The following LCA5L variants were observed in gnomAD, a reference collection of about 807,000 sequenced individuals.
The protein encoded by LCA5L is lebercilin LCA5 like, also known as lebercilin-like protein.
LCA5L carries 35 observed loss-of-function variants against 45.4 expected under a neutral mutation model. That is an observed-to-expected ratio of 0.77 (90% CI 0.59 to 1.02). The LOEUF (loss-of-function observed/expected upper bound fraction) is 1.02. Among genes scored for constraint, LCA5L ranks in the 50% least tolerant of loss-of-function variants. The pLI is 0.00. For synonymous variants in LCA5L, 233 were observed against 264.7 expected, an observed-to-expected ratio of 0.88 and a Z score of 1.16; for missense variants, 668 against 761.6, an observed-to-expected ratio of 0.88 and a Z score of 1.45.
chr21:39,432,493 A>G (rs2075837416), intron 3 of LCA5L, among the ~76,000 whole-genome samples: 2 of 152,170 alleles, frequency 1.3e-5, no homozygotes, highest in Admixed American at 1.3e-4. Context: ...TTTGGGATAC[A>G]ATTCTTTATT....
At chr21:39,436,050 C>G (rs967813063) in intron 2 of LCA5L, 1 of 152,220 alleles carries the variant, frequency 6.6e-6, no homozygotes, top group African/African-American at 2.4e-5. Flanking sequence ...GAGCCATACA[C>G]AGCAGTGCCT....
intron 7 of LCA5L, among the ~76,000 whole-genome samples, chr21:39,412,114 G>A (rs1272596487): frequency 6.6e-6 from 1 of 152,162 alleles, no homozygotes. Flanking sequence ...GTGCATTACA[G>A]TAGCCACTAA....
chr21:39,428,598 A>ATATATATATATATATATATATATTT (rs1242243392), intron 4 of LCA5L, 95 bp from the exon 5 acceptor site: 3 of 32,034 alleles, frequency 9.4e-5, no homozygotes, highest in African/African-American at 1.0e-4. Context: ...ATATATATAT[A>ATATATATATATATATATATATATTT]TTTTTTTTTT....
At chr21:39,416,323 C>A (rs2041146059) in intron 7 of LCA5L, among the ~76,000 whole-genome samples, 1 of 152,140 alleles carries the variant, frequency 6.6e-6, no homozygotes, top group African/African-American at 2.4e-5. Context: ...TTAACCTGGG[C>A]AGTTATCTTT....
intron 3 of LCA5L, among the ~76,000 whole-genome samples, chr21:39,430,030 A>G (rs1339272606): frequency 6.6e-6 from 1 of 152,048 alleles, no homozygotes; most frequent in Non-Finnish European, 1.5e-5. Flanking sequence ...AAACAAACAA[A>G]CAAACAAACA....
chr21:39,440,029 A>T (rs1302560299), intron 2 of LCA5L, among the ~76,000 whole-genome samples: 1 of 152,232 alleles, frequency 6.6e-6, no homozygotes, highest in Admixed American at 6.5e-5. Flanking sequence ...ATACAGTTAC[A>T]GATCTATGTG....
intron 7 of LCA5L, among the ~76,000 whole-genome samples, 184 bp downstream of exon 7, chr21:39,420,522 C>CAAAAAAAAAAA (rs397972848): frequency 4.6e-5 from 4 of 87,146 alleles, no homozygotes; most frequent in Admixed American, 1.5e-4. Context: ...GATTCTATCT[C>CAAAAAAAAAAA]AAAAAAAAAA....
chr21:39,444,530 T>C (rs758486532), intron 1 of LCA5L: 14 of 152,172 alleles, frequency 9.2e-5, no homozygotes, highest in Non-Finnish European at 1.6e-4. Context: ...TTAAAAAACT[T>C]ACTCATACGA....
At chr21:39,443,810 G>C (rs995782808) in intron 2 of LCA5L, 1 of 152,462 alleles carries the variant, frequency 6.6e-6, no homozygotes, top group Non-Finnish European at 1.5e-5. Flanking sequence ...GAGGCAGGCA[G>C]ATTACCTGAG....
In LCA5L at chr21:39,442,952, T is replaced by C. The variant is rs560625661; in HGVS notation, c.-246+1183A>G. Among the ~76,000 whole-genome samples, 8 of 152,082 alleles carry C rather than the reference T, an allele frequency of 5.3e-5. No homozygotes were observed. In the East Asian group the frequency reaches 1.5e-3, roughly 29 times the overall value. On this transcript the variant is annotated intron_variant, in intron 2 of 10. Coordinates refer to ENST00000288350, the MANE Select transcript of LCA5L (RefSeq NM_152505.4). Reference sequence around the variant, plus strand: ...TGCCGAGCTTTGAGAATCTCCAATATTAAGGAGCCTGGGAGAGGAGGGTGA... The same window carrying C: ...TGCCGAGCTTTGAGAATCTCCAATACTAAGGAGCCTGGGAGAGGAGGGTGA...
intron 2 of LCA5L, chr21:39,443,398 C>G (rs560686742): frequency 6.6e-6 from 1 of 152,384 alleles, no homozygotes; most frequent in African/African-American, 2.4e-5. Flanking sequence ...GTATACCTGA[C>G]AGGGTAGAGT....
At chr21:39,418,746 C>T (rs959981141) in intron 7 of LCA5L, among the ~76,000 whole-genome samples, 4 of 152,198 alleles carry the variant, frequency 2.6e-5, no homozygotes, top group Middle Eastern at 3.4e-3. Flanking sequence ...GTGATCTGCC[C>T]GCCTCGGCCT....
rs1367566030 is a variant in LCA5L at position 39,409,696 on chromosome 21, G to A, written c.1282+283C>T. The stretch of plus-strand genomic sequence containing the variant: ...CAACCTCTGCCTCCTGGGTCCAAGC[G>A]ATTTTCCTGCCTCAGCCTCCTGAGT... On this transcript the variant is annotated intron_variant, in intron 10 of 10. Transcript: ENST00000288350. This position sits in a 1 kb window ranked among gnomAD's most constrained non-coding sequence, Gnocchi z 4.2. Among the ~76,000 whole-genome samples, 1 of 152,102 alleles carries A rather than the reference G, an allele frequency of 6.6e-6. No individual in the cohort carries two copies. Among genetic ancestry groups the A allele is most frequent in the East Asian group, 1.9e-4 (1 of 5,184 alleles).
Position 39,423,065 on chromosome 21 carries a change from C to T in LCA5L, c.748G>A (p.Glu250Lys), listed in dbSNP as rs1176055047. 3.7e-6 allele frequency: 6 copies of T among 1,613,994 alleles called. No homozygotes were observed. Among genetic ancestry groups the T allele is most frequent in the Non-Finnish European group, 5.1e-6 (6 of 1,180,008 alleles). ...DILQALQKLS[E>K]DKNLAEREEL... ...TCCCTTTCTGCAAGGTTTTTGTCTT[C>T]AGAAAGTTTCTGCAGTGCCTGCAAG... The change falls in exon 6 of 11, where the codon GAA (glutamate) becomes AAA (lysine). Residue 250 changes from glutamate to lysine, a missense_variant. Glu to Lys is a moderately conservative substitution (Grantham distance 56). Coordinates refer to ENST00000288350, the MANE Select transcript of LCA5L (RefSeq NM_152505.4).
intron 2 of LCA5L, among the ~76,000 whole-genome samples, chr21:39,440,090 T>C (rs1318613693): frequency 2.0e-5 from 3 of 152,200 alleles, no homozygotes; most frequent in East Asian, 1.9e-4. Context: ...TGTATGTATA[T>C]GTGTGCGTGT....
At chr21:39,445,073 A>G (rs2077310931) in intron 1 of LCA5L, among the ~76,000 whole-genome samples, 1 of 134,874 alleles carries the variant, frequency 7.4e-6, no homozygotes. Flanking sequence ...AGACAGAAAA[A>G]AGGCTCAAGC....
chr21:39,435,793 G>A (rs941546069), intron 2 of LCA5L, among the ~76,000 whole-genome samples: 2 of 152,190 alleles, frequency 1.3e-5, no homozygotes, highest in African/African-American at 4.8e-5. Flanking sequence ...CCGCCACCAT[G>A]CCCGGCTAAT....
At chr21:39,410,812 C>T (rs1199524388) in intron 8 of LCA5L, 1 of 470,870 alleles carries the variant, frequency 2.1e-6, no homozygotes, top group Admixed American at 2.4e-5. Context: ...TTAAACAACC[C>T]CTCGGTTGAT....
rs760359609 is a variant in LCA5L at position 39,423,274 on chromosome 21, A to G, written c.539T>C (p.Leu180Pro). The G allele has an allele frequency of 1.2e-6, 2 of 1,609,716 alleles. No individual in the cohort carries two copies. Among genetic ancestry groups the G allele is most frequent in the South Asian group, 2.2e-5 (2 of 89,546 alleles). ...TENQFLKQLQLRHLKAIGKYE... is the reference protein window; with the variant it reads ...TENQFLKQLQPRHLKAIGKYE... The stretch of plus-strand genomic sequence containing the variant: ...TTTTCCTATAGCTTTCAAATGCCTA[A>G]GCTGAAGTTGTTTCAAAAATTGGTT... Residue 180 changes from leucine to proline, a missense_variant, in exon 6 of 11, where the codon CTT (leucine) becomes CCT (proline). Physicochemically the swap from Leu to Pro is moderately conservative, Grantham distance 98. Transcript: ENST00000288350.
Sources: allele counts gnomAD v4.1 joint callset (sites outside exome capture counted in the v4.1 genomes callset), GRCh38; gene constraint gnomAD v4.1.1; non-coding constraint Gnocchi (gnomAD v3.1); transcripts MANE v1.5; gene names NCBI Gene and HGNC (gene_info 2026-07-23, HGNC 2026-07-21).